WDR93: variants seen among roughly 807,000 people sequenced by gnomAD.
WDR93 encodes the protein WD repeat domain 93.
A neutral mutation model predicts 82.9 loss-of-function variants in WDR93; 73 were observed. The ratio of observed to expected loss-of-function variants is 0.88; its 90% CI spans 0.73 to 1.07. The LOEUF (loss-of-function observed/expected upper bound fraction) is 1.07, where lower values mean the gene tolerates loss of function less well. Ranked by LOEUF, WDR93 falls within the 50% of genes least tolerant of loss-of-function variation. WDR93 has a pLI of 0.00. For missense variants in WDR93, 738 were observed against 826.0 expected, an observed-to-expected ratio of 0.89 and a Z score of 1.31; for synonymous variants, 283 against 300.1, an observed-to-expected ratio of 0.94 and a Z score of 0.59.
Position 89,712,109 on chromosome 15 carries a change from G to A in WDR93, c.640+5G>A. On this transcript the variant is annotated splice_donor_5th_base_variant and intron_variant, in intron 5 of 16. Transcript: ENST00000268130. ...TTGCAGCCTTCCTCCTACAAGGCAA[G>A]ATTAACCAAAGACTGTTAAGGTTCA... 1 of 1,610,556 alleles carries A rather than the reference G, an allele frequency of 6.2e-7. No individual in the cohort carries two copies.
At chr15:89,695,899 C>A (rs1359028382) in intron 1 of WDR93, among the ~76,000 whole-genome samples, 1 of 147,802 alleles carries the variant, frequency 6.8e-6, no homozygotes, top group African/African-American at 2.5e-5. Context: ...TCACTGCAAC[C>A]TTTGCCTCCC....
At chr15:89,694,861 G>A (rs527858560) in intron 1 of WDR93, among the ~76,000 whole-genome samples, 2 of 152,290 alleles carry the variant, frequency 1.3e-5, no homozygotes, top group African/African-American at 2.4e-5. Flanking sequence ...TGCATATGGT[G>A]CAAGGTATGG....
At chr15:89,730,467 T>C (rs969532371) in intron 11 of WDR93, among the ~76,000 whole-genome samples, 19 of 152,100 alleles carry the variant, frequency 1.2e-4, no homozygotes, top group African/African-American at 4.6e-4. Context: ...ATGCAGAACA[T>C]AGAGCTAATT....
chr15:89,700,557 GGGTTTT>G (rs1965405933), intron 1 of WDR93, among the ~76,000 whole-genome samples: 1 of 84,012 alleles, frequency 1.2e-5, no homozygotes, highest in Non-Finnish European at 2.2e-5. Flanking sequence ...ACAATATTGA[GGGTTTT>G]TTTTTTTTTT....
chr15:89,742,125 C>G (rs1053865758), intron 16 of WDR93, among the ~76,000 whole-genome samples: 2 of 151,948 alleles, frequency 1.3e-5, no homozygotes, highest in African/African-American at 2.4e-5. Context: ...CTGTGGCTCA[C>G]GCCTGTAATC....
At position 89,735,483 on chromosome 15, in the gene WDR93, C is replaced by A; in HGVS notation, c.1545-7C>A. ...AGGAGAATGTCTGTATATTTTCTGT[C>A]CTATAGGCCTGTAAAGCACCTGGAT... On this transcript the variant is annotated splice_region_variant and splice_polypyrimidine_tract_variant and intron_variant, in intron 13 of 16. Transcript: ENST00000268130. The A allele has an allele frequency of 6.2e-7, 1 of 1,613,964 alleles. No individual in the cohort carries two copies. The highest frequency in any genetic ancestry group is 8.5e-7 in the Non-Finnish European group (1 of 1,179,912).
chr15:89,740,996 C>G (rs1052868684), intron 16 of WDR93, among the ~76,000 whole-genome samples: 1 of 151,850 alleles, frequency 6.6e-6, no homozygotes, highest in African/African-American at 2.4e-5. Flanking sequence ...AAAAATTAAC[C>G]GGGCACGGTG....
At chr15:89,732,752 G>T (rs1966877675) in intron 12 of WDR93, among the ~76,000 whole-genome samples, 1 of 151,954 alleles carries the variant, frequency 6.6e-6, no homozygotes, top group African/African-American at 2.4e-5. Context: ...CTCCAGTGCT[G>T]ACCCTGCCCT....
rs1965545295 is a variant in WDR93 at position 89,703,000 on chromosome 15, T to C, written c.354T>C (p.Ile118=). Residue 118 remains isoleucine (I), a synonymous_variant, in exon 3 of 17, where the codon ATT becomes ATC. Transcript: ENST00000268130. ...CTGTTTCCCAAGACTATGTGTTTAT[T>C]GGAGGAGCCAAAGGATTCTCAATTT... The part of the protein sequence containing the change: ...CMAVSQDYVF[I]GGAKGFSIYN... The C allele has an allele frequency of 6.2e-7, 1 of 1,614,076 alleles. No homozygotes were observed. The highest frequency in any genetic ancestry group is 8.5e-7 in the Non-Finnish European group (1 of 1,180,026).
intron 16 of WDR93, among the ~76,000 whole-genome samples, chr15:89,739,191 G>A (rs899385426): frequency 2.6e-5 from 4 of 151,996 alleles, no homozygotes; most frequent in Admixed American, 2.0e-4. Flanking sequence ...ATGACCTGTG[G>A]GCCATATCCA....
chr15:89,694,423 C>T (rs929372544), intron 1 of WDR93, among the ~76,000 whole-genome samples: 7 of 151,784 alleles, frequency 4.6e-5, no homozygotes, highest in Admixed American at 3.3e-4. Context: ...TTTTAGTAGA[C>T]ATGGGGTTTC....
rs778070182 is a variant in WDR93 at position 89,737,592 on chromosome 15, A to G, written c.1628A>G (p.Asn543Ser). Residue 543 changes from asparagine to serine, a missense_variant, in exon 15 of 17, where the codon AAT becomes AGT. Coordinates refer to ENST00000268130, the MANE Select transcript of WDR93 (RefSeq NM_020212.2). ...LPGMVLIFSK[N>S]GSVCLMDVAK... is the part of the protein sequence containing the mutation. ...TCCCAGGTGCTCATCTTTTCCAAGA[A>G]TGGCTCTGTGTGCCTTATGGATGTG... 3 of 1,614,198 alleles carry G rather than the reference A, an allele frequency of 1.9e-6. No individual in the cohort carries two copies. In the East Asian group the frequency reaches 6.7e-5, roughly 36 times the overall value.
At chr15:89,705,668 TAAGTTTATTTTTAATATGGAAGCAATG>T (rs746627542) in intron 4 of WDR93, 50 bp downstream of exon 4, 1 of 1,220,634 alleles carries the variant, frequency 8.2e-7, no homozygotes, top group East Asian at 2.3e-5. Context: ...TGTAGCAAAT[TAAGTTTATTTTTAATATGGAAGCAATG>T]ATAGCTGGCC....
At chr15:89,701,676 C>A (rs1965471134) in intron 1 of WDR93, 31 bp from the exon 2 acceptor site, 2 of 1,528,022 alleles carry the variant, frequency 1.3e-6, no homozygotes, top group East Asian at 4.5e-5. Context: ...TTCCTTTCTT[C>A]CAGAATTCCT....
intron 6 of WDR93, among the ~76,000 whole-genome samples, chr15:89,716,662 C>T (rs1966266902): frequency 6.6e-6 from 1 of 152,192 alleles, no homozygotes; most frequent in African/African-American, 2.4e-5. Flanking sequence ...CAACTCTATT[C>T]ATTCAGATTT....
In WDR93 at chr15:89,733,195, C is replaced by A; in HGVS notation, c.1520C>A (p.Pro507His). Residue 507 changes from proline (P) to histidine (H), a missense_variant, in exon 13 of 17, where the codon CCC becomes CAC. By Grantham distance (77) the Pro-to-His change is moderately conservative. Coordinates refer to ENST00000268130, the MANE Select transcript of WDR93 (RefSeq NM_020212.2). Reference sequence around the variant, plus strand: ...GTGGAGGCTAGCGGGACCCAAGGACCCACCATCAGTGTGCTTGTTGAGAGG... The same window carrying A: ...GTGGAGGCTAGCGGGACCCAAGGACACACCATCAGTGTGCTTGTTGAGAGG... ...HLVEASGTQGPTISVLVERPV... is the reference protein window; with the variant it reads ...HLVEASGTQGHTISVLVERPV... The A allele has an allele frequency of 6.2e-7, 1 of 1,613,910 alleles. No individual in the cohort carries two copies. Among genetic ancestry groups the A allele is most frequent in the East Asian group, 2.2e-5 (1 of 44,872 alleles).
At chr15:89,734,208 T>C (rs774997863) in intron 13 of WDR93, among the ~76,000 whole-genome samples, 3 of 152,148 alleles carry the variant, frequency 2.0e-5, no homozygotes, top group Non-Finnish European at 2.9e-5. Context: ...CAAAACTTAA[T>C]GGTTTAAGAA....
intron 16 of WDR93, 89 bp from the exon 17 acceptor site, chr15:89,743,203 G>C: frequency 7.8e-7 from 1 of 1,286,402 alleles, no homozygotes; most frequent in South Asian, 1.2e-5. Flanking sequence ...TTTCTCATAG[G>C]AGCACAGGGT....
intron 3 of WDR93, 41 bp downstream of exon 3, chr15:89,703,183 A>T (rs374833111): frequency 1.0e-5 from 16 of 1,607,116 alleles, no homozygotes; most frequent in South Asian, 4.4e-5. Flanking sequence ...ATTTACAGGT[A>T]CCTGTAGACT....
Sources: gnomAD v4.1 joint callset for allele counts (sites outside exome capture counted in the v4.1 genomes callset) on GRCh38, gnomAD v4.1.1 for gene constraint, MANE v1.5 for transcripts, NCBI Gene and HGNC (gene_info 2026-07-23, HGNC 2026-07-21) for gene names.